The following TWIST2 variants were observed in gnomAD, a reference collection of about 807,000 sequenced individuals.
TWIST2 encodes the protein twist-related protein 2.
TWIST2 carries 1 observed loss-of-function variant against 11.6 expected under a neutral mutation model. That is an observed-to-expected ratio of 0.09 (90% CI 0.03 to 0.41). TWIST2 has a LOEUF of 0.41. Ranked by LOEUF, TWIST2 falls within the 10% of genes least tolerant of loss-of-function variation. The pLI is 0.98. For synonymous variants in TWIST2, 87 were observed against 96.6 expected, an observed-to-expected ratio of 0.90 and a Z score of 0.58; for missense variants, 168 against 226.4, an observed-to-expected ratio of 0.74 and a Z score of 1.66.
intron 1 of TWIST2, among the ~76,000 whole-genome samples, chr2:238,895,432 G>A (rs1049749259): frequency 6.6e-5 from 10 of 152,228 alleles, no homozygotes; most frequent in African/African-American, 9.6e-5. Context: ...AGGGCGGTTC[G>A]TGTTCCATCA....
chr2:238,875,568 G>C (rs1301258515), intron 1 of TWIST2, among the ~76,000 whole-genome samples: 2 of 152,222 alleles, frequency 1.3e-5, no homozygotes, highest in African/African-American at 4.8e-5. Context: ...AAGCTATGCA[G>C]AGTTGCACAT....
At chr2:238,895,386 G>A (rs1182273203) in intron 1 of TWIST2, among the ~76,000 whole-genome samples, 4 of 152,250 alleles carry the variant, frequency 2.6e-5, no homozygotes, top group East Asian at 3.9e-4. Flanking sequence ...GCCCCCAGAA[G>A]GCCCTCCAGC....
chr2:238,906,305 CAG>C (rs1248799599), intron 1 of TWIST2, among the ~76,000 whole-genome samples: 1 of 152,070 alleles, frequency 6.6e-6, no homozygotes, highest in African/African-American at 2.4e-5. Flanking sequence ...GACACACACA[CAG>C]ACCCACTCAG....
chr2:238,856,364 CCT>C (rs1692328777), intron 1 of TWIST2, among the ~76,000 whole-genome samples: 1 of 152,160 alleles, frequency 6.6e-6, no homozygotes, highest in Admixed American at 6.5e-5. Context: ...CGGTTACTCA[CCT>C]CTCTGCTCGT....
At chr2:238,909,028 T>C (rs1693406596) in intron 1 of TWIST2, among the ~76,000 whole-genome samples, 2 of 152,126 alleles carry the variant, frequency 1.3e-5, no homozygotes. Context: ...TGTGGAGGTG[T>C]GGTGTATTCG....
chr2:238,905,006 AAAG>A lies in TWIST2; in HGVS notation c.*36-4835_*36-4833del, dbSNP rs1693323928. ...GAAAAAAAGAAGAAAGAAAGAAAAGAAAGGAAGGAAGGAAGAAAGAAGTAGGTA... is the reference window on the plus strand; with the variant it reads ...GAAAAAAAGAAGAAAGAAAGAAAAGAGAAGGAAGGAAGAAAGAAGTAGGTA... On this transcript the variant is annotated intron_variant, in intron 1 of 1. Transcript: ENST00000612363. Among the ~76,000 whole-genome samples the A allele has an allele frequency of 4.0e-5, 6 of 151,870 alleles. No homozygotes were observed. The South Asian group carries it at 1.3e-3, about 32-fold the overall frequency.
At chr2:238,870,126 A>ACACACAC (rs1553568267) in intron 1 of TWIST2, among the ~76,000 whole-genome samples, 23 of 9,384 alleles carry the variant, frequency 2.5e-3, no homozygotes, top group African/African-American at 0.013. Context: ...TACACCCCCC[A>ACACACAC]CACACACACC....
chr2:238,902,716 GATGT>G (rs1376670821), intron 1 of TWIST2, among the ~76,000 whole-genome samples: 15 of 128,738 alleles, frequency 1.2e-4, no homozygotes, highest in African/African-American at 4.6e-4. Flanking sequence ...AGGTGTGTGT[GATGT>G]GTGTGTGATG....
chr2:238,860,861 C>T (rs1692419878), intron 1 of TWIST2, among the ~76,000 whole-genome samples: 1 of 152,132 alleles, frequency 6.6e-6, no homozygotes, highest in Non-Finnish European at 1.5e-5. Context: ...TCGCTTGAAC[C>T]TGGGAGGTGG....
intron 1 of TWIST2, among the ~76,000 whole-genome samples, chr2:238,882,068 G>C (rs1047451001): frequency 4.0e-5 from 6 of 150,234 alleles, no homozygotes; most frequent in African/African-American, 1.5e-4. Flanking sequence ...CTCTCTCTCT[G>C]TCTGTGTCTC....
intron 1 of TWIST2, among the ~76,000 whole-genome samples, chr2:238,891,910 G>A (rs959892364): frequency 1.3e-5 from 2 of 152,196 alleles, no homozygotes; most frequent in African/African-American, 4.8e-5. Flanking sequence ...GGAAGATTGG[G>A]CTATGTAGGA....
chr2:238,869,540 C>A (rs960311029), intron 1 of TWIST2, among the ~76,000 whole-genome samples: 1 of 152,122 alleles, frequency 6.6e-6, no homozygotes, highest in African/African-American at 2.4e-5. Flanking sequence ...TAGGCAAAGG[C>A]CTTAAATAGG....
Position 238,848,635 on chromosome 2 carries a change from C to T in TWIST2, c.420C>T (p.Arg140=), listed in dbSNP as rs769231400. The T allele has an allele frequency of 9.7e-6, 15 of 1,540,232 alleles. No homozygotes were observed. In the African/African-American group the frequency reaches 1.9e-4, roughly 20 times the overall value. The change falls in exon 1 of 2, where the codon CGC becomes CGT. Residue 140 remains arginine (R), a synonymous_variant. Transcript: ENST00000612363. ...GCTGCAGCTACGTGGCCCACGAGCG[C>T]CTCAGCTACGCCTTCTCCGTGTGGC... ...MTSCSYVAHE[R]LSYAFSVWRM...
At chr2:238,862,674 T>C (rs904672285) in intron 1 of TWIST2, among the ~76,000 whole-genome samples, 2 of 152,216 alleles carry the variant, frequency 1.3e-5, no homozygotes, top group African/African-American at 2.4e-5. Flanking sequence ...GGAAATACCC[T>C]TTGCATGAAC....
At chr2:238,905,903 G>T (rs1241646943) in intron 1 of TWIST2, among the ~76,000 whole-genome samples, 1 of 124,726 alleles carries the variant, frequency 8.0e-6, no homozygotes, top group Non-Finnish European at 1.6e-5. Flanking sequence ...GCGCGTGTGT[G>T]CGTGTGTGTG....
intron 1 of TWIST2, among the ~76,000 whole-genome samples, chr2:238,883,501 C>T (rs568530016): frequency 1.4e-4 from 22 of 152,290 alleles, no homozygotes; most frequent in Middle Eastern, 3.4e-3. Context: ...GGAGAAGGGA[C>T]GGGAGATGCC....
In TWIST2 at chr2:238,867,531, A is replaced by C. The variant is rs1275811768; in HGVS notation, c.*35+18798A>C. ...GGTGTGGGCTGAGGAAGAGGCTGGG[A>C]GGAGAGAGTTGTGGCTGGGAACCCT... On this transcript the variant is annotated intron_variant, in intron 1 of 1. Transcript: ENST00000612363. This position sits in a 1 kb window ranked among gnomAD's most constrained non-coding sequence, Gnocchi z 4.8. 6.6e-6 allele frequency among the ~76,000 whole-genome samples: 1 copy of C among 152,024 alleles called. No homozygotes were observed. The highest frequency in any genetic ancestry group is 1.9e-4 in the East Asian group (1 of 5,180).
At chr2:238,906,874 G>A (rs1375664364) in intron 1 of TWIST2, among the ~76,000 whole-genome samples, 6 of 152,344 alleles carry the variant, frequency 3.9e-5, no homozygotes, top group African/African-American at 1.4e-4. Context: ...GGAGGGTCTC[G>A]TTGCGCTGGT....
chr2:238,902,592 AGT>A (rs1302090974), intron 1 of TWIST2, among the ~76,000 whole-genome samples: 9 of 134,008 alleles, frequency 6.7e-5, no homozygotes, highest in African/African-American at 1.7e-4. Flanking sequence ...TGTGTGTTGT[AGT>A]GTGTGTGATA....
Sources: gnomAD v4.1 joint callset for allele counts (sites outside exome capture counted in the v4.1 genomes callset) on GRCh38, gnomAD v4.1.1 for gene constraint, Gnocchi (gnomAD v3.1) non-coding constraint, MANE v1.5 for transcripts, NCBI Gene and HGNC (gene_info 2026-07-23, HGNC 2026-07-21) for gene names.